The following PACS2 variants were observed in gnomAD, a reference collection of about 807,000 sequenced individuals.
PACS2 encodes phosphofurin acidic cluster sorting protein 2.
A neutral mutation model predicts 113.0 loss-of-function variants in PACS2; 36 were observed. The observed-to-expected ratio is 0.32, with a 90% CI of 0.24 to 0.42. The LOEUF (loss-of-function observed/expected upper bound fraction) is 0.42. Ranked by LOEUF, PACS2 falls within the 10% of genes least tolerant of loss-of-function variation. The pLI is 1.00. For synonymous variants in PACS2, 589 were observed against 536.1 expected, an observed-to-expected ratio of 1.10 and a Z score of -1.36; for missense variants, 1,015 against 1,239.5, an observed-to-expected ratio of 0.82 and a Z score of 2.72.
At chr14:105,379,704 A>G (rs782282059) in intron 9 of PACS2, 35 bp from the exon 10 acceptor site, 49 of 1,565,548 alleles carry the variant, frequency 3.1e-5, no homozygotes, top group South Asian at 2.8e-4. Flanking sequence ...GGTCCTGGAA[A>G]TTAACGTGTC....
chr14:105,345,797 C>T (rs1430718361), intron 1 of PACS2, among the ~76,000 whole-genome samples: 1 of 152,184 alleles, frequency 6.6e-6, no homozygotes, highest in Non-Finnish European at 1.5e-5. Context: ...AGTCTCTCTC[C>T]TCTGTCTTTC....
chr14:105,364,136 C>CAG (rs112722434), intron 4 of PACS2, among the ~76,000 whole-genome samples: 13,559 of 152,286 alleles, frequency 0.089, 2,035 homozygotes, highest in African/African-American at 0.31. Flanking sequence ...AAATGTGACA[C>CAG]AGACACCAAG....
At chr14:105,380,406 C>A (rs587654861) in intron 11 of PACS2, among the ~76,000 whole-genome samples, 1 of 151,380 alleles carries the variant, frequency 6.6e-6, no homozygotes, top group African/African-American at 2.4e-5. Context: ...GGACTCCCCC[C>A]ACCCGCAGGG....
Position 105,368,057 on chromosome 14 carries a change from G to GTC in PACS2, c.587-15_587-14dup. The GTC allele has an allele frequency of 6.3e-7, 1 of 1,577,640 alleles. No homozygotes were observed. ...GGAATCTCACGGCACCCTCCCTTCT[G>GTC]TCTGTTCATTCCGCAGATAACTACT... is the stretch of plus-strand genomic sequence containing the variant. On this transcript the variant is annotated splice_polypyrimidine_tract_variant and intron_variant, in intron 5 of 24. Coordinates refer to ENST00000447393, the MANE Select transcript of PACS2 (RefSeq NM_001100913.3).
In PACS2 at chr14:105,306,949, G is replaced by A. The variant is rs149702340; in HGVS notation, c.-83+5970G>A. On this transcript the variant is annotated intron_variant, in intron 1 of 23. Transcript: ENST00000430725. Reference sequence around the variant, plus strand: ...TGGTGCTTTGACATCTTGGGGTCTCGTGGACCTAGAGAGGGACTCCCCTCC... The same window carrying A: ...TGGTGCTTTGACATCTTGGGGTCTCATGGACCTAGAGAGGGACTCCCCTCC... Among the ~76,000 whole-genome samples, 1,048 of 152,184 alleles carry A rather than the reference G, an allele frequency of 6.9e-3. 14 individuals carry two copies. The highest frequency in any genetic ancestry group is 0.024 in the African/African-American group (1,003 of 41,490).
chr14:105,353,978 G>A (rs1555404780), intron 3 of PACS2, among the ~76,000 whole-genome samples: 2 of 152,060 alleles, frequency 1.3e-5, no homozygotes, highest in African/African-American at 2.4e-5. Context: ...TCGGGAGGCC[G>A]AGGTAGGTGG....
rs1302527667 is a variant in PACS2, at chr14:105,324,490, C to G, written c.119+9453C>G. Among the ~76,000 whole-genome samples the G allele has an allele frequency of 1.3e-5, 2 of 152,218 alleles. No individual in the cohort carries two copies. Among genetic ancestry groups the G allele is most frequent in the Non-Finnish European group, 2.9e-5 (2 of 68,030 alleles). On this transcript the variant is annotated intron_variant, in intron 1 of 24. Transcript: ENST00000447393. This position sits in a 1 kb window ranked among gnomAD's most constrained non-coding sequence, Gnocchi z 4.7. ...TGAGGCCTGTGAGCTGCTGGCCCCGCAGGGTGGCTGGGCCTGGCTGGCTCA... is the reference window on the plus strand; with the variant it reads ...TGAGGCCTGTGAGCTGCTGGCCCCGGAGGGTGGCTGGGCCTGGCTGGCTCA...
chr14:105,319,926 A>G (rs993969359), intron 1 of PACS2, among the ~76,000 whole-genome samples: 2 of 152,272 alleles, frequency 1.3e-5, no homozygotes, highest in East Asian at 1.9e-4. Flanking sequence ...AGAGGATTAT[A>G]TAATTTTTAT....
rs1197486225 is a variant in PACS2 at position 105,365,873 on chromosome 14, G to T, written c.424-1340G>T. ...CAGCAGCCTCCAAGTACGTGAAGCT[G>T]CGTGTGCCCCGGCGAGTTGTGGGCA... On this transcript the variant is annotated intron_variant, in intron 4 of 24. Transcript: ENST00000447393. This position sits in a 1 kb window ranked among gnomAD's most constrained non-coding sequence, Gnocchi z 5.1. Among the ~76,000 whole-genome samples, 3 of 152,278 alleles carry T rather than the reference G, an allele frequency of 2.0e-5. No individual in the cohort carries two copies. Among genetic ancestry groups the T allele is most frequent in the African/African-American group, 7.2e-5 (3 of 41,476 alleles).
chr14:105,314,558 A>G (rs2140738554), upstream of PACS2: 1 of 145,288 alleles, frequency 6.9e-6, no homozygotes, highest in East Asian at 2.1e-4. Flanking sequence ...GCGCCGCCGG[A>G]GGAAGCGCGC....
chr14:105,368,182 G>C, intron 6 of PACS2, 35 bp downstream of exon 6: 2 of 1,459,288 alleles, frequency 1.4e-6, no homozygotes, highest in Non-Finnish European at 1.9e-6. Context: ...CCCTCTCCTG[G>C]CTCACACCGG....
chr14:105,316,689 T>G (rs1566894917), intron 1 of PACS2, among the ~76,000 whole-genome samples: 1 of 150,506 alleles, frequency 6.6e-6, no homozygotes, highest in Admixed American at 6.6e-5. Context: ...CCCACTCTGG[T>G]GTCTGTGGGG....
intron 1 of PACS2, among the ~76,000 whole-genome samples, chr14:105,335,826 C>T (rs587719632): frequency 6.6e-6 from 1 of 152,338 alleles, no homozygotes; most frequent in Non-Finnish European, 1.5e-5. Flanking sequence ...GGCAGCCGCC[C>T]TCGGCCGCCC....
At chr14:105,346,087 C>T (rs797026744) in intron 1 of PACS2, among the ~76,000 whole-genome samples, 21 of 152,138 alleles carry the variant, frequency 1.4e-4, no homozygotes, top group Non-Finnish European at 2.6e-4. Context: ...GACTGCAGCT[C>T]GGGGAATGAG....
chr14:105,390,098 A>T, intron 20 of PACS2, 95 bp downstream of exon 20: 1 of 1,096,940 alleles, frequency 9.1e-7, no homozygotes. Flanking sequence ...GATATATTCC[A>T]GAACCTTCCC....
chr14:105,380,818 CGT>C (rs2080965461), intron 11 of PACS2, 137 bp from the exon 12 acceptor site: 7 of 779,864 alleles, frequency 9.0e-6, no homozygotes. Flanking sequence ...CCCTGGTCAG[CGT>C]ATGGCCGGGT....
intron 1 of PACS2, among the ~76,000 whole-genome samples, chr14:105,343,404 T>C (rs892245333): frequency 7.9e-5 from 12 of 152,240 alleles, no homozygotes; most frequent in Non-Finnish European, 1.5e-5. Flanking sequence ...TGCTGGGTCC[T>C]GTATGTTTAA....
rs927632624 is a variant in PACS2 at position 105,354,595 on chromosome 14, C to T, written c.298-457C>T. On this transcript the variant is annotated intron_variant, in intron 3 of 24. Transcript: ENST00000447393. The surrounding 1 kb of genome is among the most constrained non-coding windows in gnomAD (Gnocchi z 4.2). ...GCTGGACAGGGAGCCTGTGGTGAGA[C>T]GTGCAGGCGAGTTGGGTGAACAGGG... Among the ~76,000 whole-genome samples, 9 of 152,216 alleles carry T rather than the reference C, an allele frequency of 5.9e-5. No individual in the cohort carries two copies. The highest frequency in any genetic ancestry group is 1.9e-4 in the African/African-American group (8 of 41,458).
intron 1 of PACS2, among the ~76,000 whole-genome samples, chr14:105,326,364 C>G (rs76130399): frequency 0.017 from 2,585 of 152,350 alleles, 83 homozygotes; most frequent in African/African-American, 0.06. Flanking sequence ...TACCAGACAT[C>G]CTGCATCTTC....
Sources: gnomAD v4.1 joint callset for allele counts (sites outside exome capture counted in the v4.1 genomes callset) on GRCh38, gnomAD v4.1.1 for gene constraint, Gnocchi (gnomAD v3.1) non-coding constraint, MANE v1.5 for transcripts, NCBI Gene and HGNC (gene_info 2026-07-23, HGNC 2026-07-21) for gene names.